The following LIN37 variants were observed in gnomAD, a reference collection of about 807,000 sequenced individuals.
The protein encoded by LIN37 is lin-37 DREAM MuvB core complex component.
LIN37 carries 21 observed loss-of-function variants against 38.0 expected under a neutral mutation model. The ratio of observed to expected loss-of-function variants is 0.55; its 90% CI spans 0.39 to 0.80. The LOEUF is 0.80. LIN37 is among the 30% of genes least tolerant of loss of function. LIN37 has a pLI of 0.00. For missense variants in LIN37, 273 were observed against 338.5 expected (o/e 0.81, Z 1.52); for synonymous variants, 126 against 122.9 (o/e 1.03, Z -0.17).
rs1970673636 is a variant in LIN37 at position 35,750,898 on chromosome 19, T to G, written c.35-1278T>G. On this transcript the variant is annotated intron_variant, in intron 1 of 8. Transcript: ENST00000301159. ...ATCACTTGTACTCAGGAGGCAGAGGTTGCAGTGAGCCGAGATCACGCCACT... is the reference window on the plus strand; with the variant it reads ...ATCACTTGTACTCAGGAGGCAGAGGGTGCAGTGAGCCGAGATCACGCCACT... 4.6e-5 allele frequency among the ~76,000 whole-genome samples: 7 copies of G among 151,546 alleles called. No homozygotes were observed. The South Asian group carries it at 1.5e-3, about 32-fold the overall frequency.
intron 1 of LIN37, chr19:35,748,998 G>A (rs1568401444): frequency 7.3e-7 from 1 of 1,372,724 alleles, no homozygotes; most frequent in Non-Finnish European, 9.4e-7. Context: ...AGGACATGGG[G>A]AATCCTGAGC....
At chr19:35,749,075 T>G in intron 1 of LIN37, 1 of 889,728 alleles carries the variant, frequency 1.1e-6, no homozygotes, top group Non-Finnish European at 1.4e-6. Flanking sequence ...AATATTTAAA[T>G]AGAGACGGAG....
At chr19:35,749,981 G>T (rs1970659942) in intron 1 of LIN37, among the ~76,000 whole-genome samples, 1 of 152,106 alleles carries the variant, frequency 6.6e-6, no homozygotes, top group African/African-American at 2.4e-5. Flanking sequence ...TCAGGGTCAG[G>T]TTTGTTATTT....
chr19:35,754,194 A>T, intron 7 of LIN37, 37 bp downstream of exon 7: 1 of 1,613,976 alleles, frequency 6.2e-7, no homozygotes, highest in Middle Eastern at 1.6e-4. Context: ...TATGGGGCAC[A>T]TGCGGTAGGG....
At position 35,753,218 on chromosome 19, in the gene LIN37, A is replaced by G; in HGVS notation, c.409A>G (p.Ser137Gly). Residue 137 changes from serine (S) to glycine (G), a missense_variant, in exon 6 of 9, where the codon AGC becomes GGC. Transcript: ENST00000301159. Reference protein sequence around the residue: ...PSVRERECSPSSPLPPLPEDE... With the variant: ...PSVRERECSPGSPLPPLPEDE... ...TGTGCGCGAGCGTGAATGCTCTCCC[A>G]GCTCACCCCTGCCCCCGCTGCCTGA... 1 of 1,558,778 alleles carries G rather than the reference A, an allele frequency of 6.4e-7. No individual in the cohort carries two copies.
chr19:35,751,628 G>A (rs1970681684), intron 1 of LIN37, among the ~76,000 whole-genome samples: 1 of 152,066 alleles, frequency 6.6e-6, no homozygotes, highest in Admixed American at 6.6e-5. Flanking sequence ...GAGCCCAGGA[G>A]TTCAAAACCG....
At chr19:35,751,986 G>T in intron 1 of LIN37, 190 bp from the exon 2 acceptor site, 1 of 551,950 alleles carries the variant, frequency 1.8e-6, no homozygotes. Flanking sequence ...AATCACGTGG[G>T]ACAGCTCTGG....
Position 35,748,583 on chromosome 19 carries a change from A to G in LIN37, c.-142A>G, listed in dbSNP as rs3746277. ...CACAGAAGGGTGGTGGCCACGGTCC[A>G]GGCTGGACACAACCAAAGGCGGAGG... On this transcript the variant is annotated 5_prime_UTR_variant, in exon 1 of 9. Coordinates refer to ENST00000301159, the MANE Select transcript of LIN37 (RefSeq NM_019104.3). 0.15 allele frequency: 173,586 copies of G among 1,142,968 alleles called. 14,375 individuals are homozygous for G. Among genetic ancestry groups the G allele is most frequent in the Middle Eastern group, 0.24 (1,178 of 4,994 alleles). 70.8% of individuals were successfully genotyped at this position (1,142,968 alleles called of 1,614,324 possible).
Position 35,754,237 on chromosome 19 carries a change from T to C in LIN37, c.586-9T>C. On this transcript the variant is annotated splice_polypyrimidine_tract_variant and intron_variant, in intron 7 of 8. Coordinates refer to ENST00000301159, the MANE Select transcript of LIN37 (RefSeq NM_019104.3). Reference sequence around the variant, plus strand: ...ATGGCCACTCAACCTGGCCTGTCTGTCCATGCAGCCCTCTGAGCCCGAGCC... The same window carrying C: ...ATGGCCACTCAACCTGGCCTGTCTGCCCATGCAGCCCTCTGAGCCCGAGCC... 1 of 1,613,956 alleles carries C rather than the reference T, an allele frequency of 6.2e-7. No individual in the cohort carries two copies. Among genetic ancestry groups the C allele is most frequent in the Non-Finnish European group, 8.5e-7 (1 of 1,179,864 alleles).
At chr19:35,753,792 A>T in intron 6 of LIN37, 1 of 593,402 alleles carries the variant, frequency 1.7e-6, no homozygotes, top group South Asian at 2.0e-5. Flanking sequence ...ACAGGTGTAG[A>T]TGGAGTCTCT....
Position 35,754,491 on chromosome 19 carries a change from C to A in LIN37, c.*17C>A, listed in dbSNP as rs777002988. On this transcript the variant is annotated 3_prime_UTR_variant, in exon 9 of 9. Transcript: ENST00000301159. ...CGACAGTGATGTTCCCAGGTCCCCC[C>A]ACACCAGTAAACATCCCCCAGCTCC... The A allele has an allele frequency of 5.0e-6, 8 of 1,611,368 alleles. No individual in the cohort carries two copies. The highest frequency in any genetic ancestry group is 6.8e-6 in the Non-Finnish European group (8 of 1,177,592).
rs1398579139 is a variant in LIN37 at position 35,754,087 on chromosome 19, C to G, written c.515C>G (p.Pro172Arg). The G allele has an allele frequency of 6.8e-6, 11 of 1,613,982 alleles. No individual in the cohort carries two copies. The highest frequency in any genetic ancestry group is 9.3e-6 in the Non-Finnish European group (11 of 1,179,888). ...CCGCCACCCACACCCCCGGGGCCAC[C>G]CGGAGATGCCTGCAGATCCCGCATC... ...KLPPPTPPGP[P>R]GDACRSRIPS... The change falls in exon 7 of 9, where the codon CCC becomes CGC. Residue 172 changes from proline to arginine, a missense_variant. By Grantham distance (103) the Pro-to-Arg change is moderately radical. Coordinates refer to ENST00000301159, the MANE Select transcript of LIN37 (RefSeq NM_019104.3).
Position 35,753,201 on chromosome 19 carries a change from A to G in LIN37, c.392A>G (p.Glu131Gly), listed in dbSNP as rs1297801244. ...ATGCGCAACAGCCCCTCTGTGCGCGAGCGTGAATGCTCTCCCAGCTCACCC... is the reference window on the plus strand; with the variant it reads ...ATGCGCAACAGCCCCTCTGTGCGCGGGCGTGAATGCTCTCCCAGCTCACCC... ...AWMRNSPSVR[E>G]RECSPSSPLP... The change falls in exon 6 of 9, where the codon GAG becomes GGG. Residue 131 changes from glutamate to glycine, a missense_variant. Coordinates refer to ENST00000301159, the MANE Select transcript of LIN37 (RefSeq NM_019104.3). The G allele has an allele frequency of 6.4e-7, 1 of 1,566,422 alleles. No homozygotes were observed. The highest frequency in any genetic ancestry group is 8.6e-7 in the Non-Finnish European group (1 of 1,156,124).
In LIN37 at chr19:35,754,379, C is replaced by T; in HGVS notation, c.660-14C>T. 3.7e-6 allele frequency: 6 copies of T among 1,614,020 alleles called. No individual in the cohort carries two copies. The highest frequency in any genetic ancestry group is 5.1e-6 in the Non-Finnish European group (6 of 1,179,852). On this transcript the variant is annotated splice_polypyrimidine_tract_variant and intron_variant, in intron 8 of 8. Coordinates refer to ENST00000301159, the MANE Select transcript of LIN37 (RefSeq NM_019104.3). ...GCCCTTTGCAACTGCTGAGTCTCCC[C>T]TCTGCCTCCCCAGGTGGAAGGAGGC... is the stretch of plus-strand genomic sequence containing the variant.
chr19:35,753,942 G>A, intron 6 of LIN37, 75 bp from the exon 7 acceptor site: 2 of 1,532,214 alleles, frequency 1.3e-6, no homozygotes, highest in Non-Finnish European at 1.8e-6. Context: ...GGGAAAGGCA[G>A]GAGGGATGAA....
chr19:35,748,989 G>C lies in LIN37; in HGVS notation c.34+231G>C, dbSNP rs1599734984. 4 of 1,387,316 alleles carry C rather than the reference G, an allele frequency of 2.9e-6. No individual in the cohort carries two copies. In the Admixed American group the frequency reaches 1.2e-4, roughly 40 times the overall value. 85.9% of individuals were successfully genotyped at this position (1,387,316 alleles called of 1,614,324 possible). On this transcript the variant is annotated intron_variant, in intron 1 of 8. Transcript: ENST00000301159. ...GGCTCGGGCAATGACGTGCGTGGTA[G>C]GACATGGGGAATCCTGAGCCGGTAA...
At chr19:35,753,429 C>T in intron 6 of LIN37, 176 bp downstream of exon 6, 1 of 790,074 alleles carries the variant, frequency 1.3e-6, no homozygotes, top group Non-Finnish European at 2.1e-6. Flanking sequence ...GGATCAGAGT[C>T]CCTAGGGAAG....
chr19:35,748,969 G>A (rs2146523946), intron 1 of LIN37: 3 of 1,427,476 alleles, frequency 2.1e-6, no homozygotes, highest in African/African-American at 2.8e-5. Flanking sequence ...GGGGTGGCTC[G>A]GGCAATGACG....
intron 3 of LIN37, 97 bp downstream of exon 3, chr19:35,752,581 C>A: frequency 7.2e-7 from 1 of 1,383,940 alleles, no homozygotes; most frequent in Non-Finnish European, 1.0e-6. Flanking sequence ...CTACCTCCAT[C>A]GTGGCCCGGA....
Sources: allele counts gnomAD v4.1 joint callset (sites outside exome capture counted in the v4.1 genomes callset), GRCh38; gene constraint gnomAD v4.1.1; transcripts MANE v1.5; gene names NCBI Gene and HGNC (gene_info 2026-07-23, HGNC 2026-07-21).